FBXO44: variants seen among roughly 807,000 people sequenced by gnomAD.
FBXO44 encodes the protein F-box protein 44, also known as F-box only protein 44.
FBXO44 carries 25 observed loss-of-function variants against 33.5 expected under a neutral mutation model. That is an observed-to-expected ratio of 0.75 (90% CI 0.54 to 1.04). The LOEUF (loss-of-function observed/expected upper bound fraction) is 1.04, where lower values mean the gene tolerates loss of function less well. Among genes scored for constraint, FBXO44 ranks in the 50% least tolerant of loss-of-function variants. The pLI is 0.00. For missense variants in FBXO44, 311 were observed against 344.0 expected, an observed-to-expected ratio of 0.90 and a Z score of 0.76; for synonymous variants, 147 against 152.8, an observed-to-expected ratio of 0.96 and a Z score of 0.28.
In FBXO44 at chr1:11,661,046, G is replaced by A. The variant is rs2100657794; in HGVS notation, c.625-84G>A. 7.0e-7 allele frequency: 1 copy of A among 1,427,468 alleles called. No homozygotes were observed. Among genetic ancestry groups the A allele is most frequent in the South Asian group, 1.3e-5 (1 of 77,878 alleles). The allele number at this position is 1,427,468 out of a possible 1,614,324, so 88.4% of individuals were successfully genotyped here. A position where few individuals can be genotyped will look rare whatever the true frequency, so the allele number is the denominator to read the frequency against. On this transcript the variant is annotated intron_variant, in intron 5 of 5. Transcript: ENST00000251547. The surrounding 1 kb of genome is among the most constrained non-coding windows in gnomAD (Gnocchi z 4.4). ...AACCCTCCCACCTCAGCCTCCCAAA[G>A]TACTGGGATTCCCGGTGTGAGCCGC...
chr1:11,656,723 A>G (rs1202507440), intron 2 of FBXO44, among the ~76,000 whole-genome samples: 1 of 152,146 alleles, frequency 6.6e-6, no homozygotes, highest in Non-Finnish European at 1.5e-5. Context: ...TTGGCCTCCC[A>G]AAGTGCTGGG....
upstream of FBXO44, chr1:11,654,766 C>G (rs74054207): frequency 0.013 from 2,106 of 159,492 alleles, 54 homozygotes; most frequent in African/African-American, 0.047. Flanking sequence ...CCCCACCCCC[C>G]ACACCAGGTA....
At position 11,662,391 on chromosome 1, in the gene FBXO44, G is replaced by A. The variant is rs1410383143; in HGVS notation, c.*1118G>A. Reference sequence around the variant, plus strand: ...CATGGCTTCTGTCTAAGGTACAGAGGGGTTGGCATTTCAGGAACCAGGCCA... The same window carrying A: ...CATGGCTTCTGTCTAAGGTACAGAGAGGTTGGCATTTCAGGAACCAGGCCA... On this transcript the variant is annotated 3_prime_UTR_variant, in exon 6 of 6. Transcript: ENST00000251547. 1 of 152,236 alleles carries A rather than the reference G, an allele frequency of 6.6e-6. No homozygotes were observed. Among genetic ancestry groups the A allele is most frequent in the Non-Finnish European group, 1.5e-5 (1 of 68,066 alleles). 9.4% of individuals were successfully genotyped at this position (152,236 alleles called of 1,614,324 possible).
At position 11,655,787 on chromosome 1, in the gene FBXO44, C is replaced by T. The variant is rs1209090540; in HGVS notation, c.-30-19C>T. ...AATGGCAGAGCAGGGATGAGGCCTG[C>T]AGCATAGCTTTTCAACAGCTACAGG... On this transcript the variant is annotated intron_variant, in intron 1 of 5. Transcript: ENST00000251547. 1.2e-5 allele frequency: 20 copies of T among 1,601,848 alleles called. No homozygotes were observed. Among genetic ancestry groups the T allele is most frequent in the Non-Finnish European group, 1.7e-5 (20 of 1,171,840 alleles).
intron 1 of FBXO44, chr1:11,655,569 C>G (rs1639720003): frequency 1.9e-6 from 1 of 524,624 alleles, no homozygotes; most frequent in Admixed American, 3.2e-5. Context: ...CCCCCTCTGC[C>G]CTTATTTTTG....
rs1347113451 is a variant in FBXO44, at chr1:11,657,177, G to T, written c.265+1077G>T. 2.6e-5 allele frequency among the ~76,000 whole-genome samples: 4 copies of T among 152,278 alleles called. No individual in the cohort carries two copies. The Middle Eastern group carries it at 0.01, about 388-fold the overall frequency. ...GGCATTAATAATTGTTCTAATAATT[G>T]TTTTTACATTTTTAAAGTGTTATAA... On this transcript the variant is annotated intron_variant, in intron 2 of 5. Transcript: ENST00000251547.
At chr1:11,655,561 C>T (rs555755251) in intron 1 of FBXO44, 1 of 502,214 alleles carries the variant, frequency 2.0e-6, no homozygotes, top group South Asian at 2.8e-5. Context: ...GGCTTCTTCC[C>T]CCTCTGCCCT....
In FBXO44 at chr1:11,662,233, A is replaced by C. The variant is rs1640228991; in HGVS notation, c.*960A>C. 6.6e-6 allele frequency: 1 copy of C among 151,946 alleles called. No homozygotes were observed. Among genetic ancestry groups the C allele is most frequent in the Admixed American group, 6.6e-5 (1 of 15,234 alleles). 9.4% of individuals were successfully genotyped at this position (151,946 alleles called of 1,614,324 possible). On this transcript the variant is annotated 3_prime_UTR_variant, in exon 6 of 6. Coordinates refer to ENST00000251547, the MANE Select transcript of FBXO44 (RefSeq NM_033182.7). ...CCTCTTGTCCTGCTGGAAAGATAGC[A>C]GTGTTCTCCTGACTTCGCCCTACTG...
rs757856396 is a variant in FBXO44 at position 11,658,572 on chromosome 1, A to T, written c.432A>T (p.Glu144Asp). 12 of 1,613,098 alleles carry T rather than the reference A, an allele frequency of 7.4e-6. No individual in the cohort carries two copies. The highest frequency in any genetic ancestry group is 2.7e-5 in the African/African-American group (2 of 74,848). Reference protein sequence around the residue: ...LKSQVVDLKAEGYWEELMDTT... With the variant: ...LKSQVVDLKADGYWEELMDTT... ...CCCAGGTGGTGGACCTCAAGGCCGA[A>T]GGGTATTGGGAGGAGCTGATGGATA... The change falls in exon 4 of 6, where the codon GAA (glutamate) becomes GAT (aspartate). Residue 144 changes from glutamate to aspartate, a missense_variant. Transcript: ENST00000251547.
Position 11,661,773 on chromosome 1 carries a change from GCC to G in FBXO44, c.*503_*504del. The G allele has an allele frequency of 6.6e-6, 1 of 152,468 alleles. No individual in the cohort carries two copies. The highest frequency in any genetic ancestry group is 1.5e-5 in the Non-Finnish European group (1 of 68,926). The allele number at this position is 152,468 out of a possible 1,614,324, so 9.4% of individuals were successfully genotyped here. On this transcript the variant is annotated 3_prime_UTR_variant, in exon 6 of 6. Transcript: ENST00000251547. This position sits in a 1 kb window ranked among gnomAD's most constrained non-coding sequence, Gnocchi z 4.4. ...AGGGTGGGCTCATGGGCCGTGCTCT[GCC>G]CCTGTCTGCTGCTCCCAGTCTCTCG... is the stretch of plus-strand genomic sequence containing the variant.
chr1:11,656,756 C>T (rs1639838504), intron 2 of FBXO44, among the ~76,000 whole-genome samples: 1 of 152,244 alleles, frequency 6.6e-6, no homozygotes, highest in African/African-American at 2.4e-5. Context: ...AGCCACCGCG[C>T]CCGGCCTCTT....
chr1:11,654,700 C>A, upstream of FBXO44: 1 of 233,744 alleles, frequency 4.3e-6, no homozygotes, highest in Non-Finnish European at 8.2e-6. Flanking sequence ...CTGGGTCAGG[C>A]CGAGGGTGAG....
At position 11,658,606 on chromosome 1, in the gene FBXO44, CCGGA is replaced by C; in HGVS notation, c.468_471del (p.Asp157SerfsTer102). The C allele has an allele frequency of 6.2e-7, 1 of 1,613,600 alleles. No individual in the cohort carries two copies. Among genetic ancestry groups the C allele is most frequent in the Non-Finnish European group, 8.5e-7 (1 of 1,179,990 alleles). On this transcript the variant is annotated frameshift_variant, in exon 4 of 6. Transcript: ENST00000251547. LOFTEE classifies it high-confidence loss of function. ...GGAGGAGCTGATGGATACCACACGG[CCGGA>C]CATCGAGGTCAAGGACTGGTGAGTG... is the stretch of plus-strand genomic sequence containing the variant.
In FBXO44 at chr1:11,655,865, C is replaced by T. The variant is rs1205792369; in HGVS notation, c.30C>T (p.Pro10=). 9.9e-6 allele frequency: 16 copies of T among 1,613,758 alleles called. No individual in the cohort carries two copies. Among genetic ancestry groups the T allele is most frequent in the Admixed American group, 1.7e-5 (1 of 59,994 alleles). Residue 10 remains proline, a synonymous_variant, in exon 2 of 6, where the codon CCC becomes CCT. Transcript: ENST00000251547. ...CTGTGGGGAACATCAACGAGCTGCC[C>T]GAGAACATCCTGCTGGAGCTGTTCA... is the stretch of plus-strand genomic sequence containing the variant. The part of the protein sequence containing the change: MAVGNINEL[P]ENILLELFTH...
At chr1:11,656,241 C>T in intron 2 of FBXO44, 141 bp downstream of exon 2, 1 of 1,132,870 alleles carries the variant, frequency 8.8e-7, no homozygotes, top group Non-Finnish European at 1.2e-6. Context: ...GAGGTAGCTA[C>T]TGTTAGTGCA....
Position 11,658,378 on chromosome 1 carries a change from T to C in FBXO44, c.377T>C (p.Phe126Ser). ...CCCAATGACCAGGTCAAGAAATACT[T>C]CGTTACTTCATATTAGTAAGATCCG... ...EFPNDQVKKYFVTSYYTCLKS... is the reference protein window; with the variant it reads ...EFPNDQVKKYSVTSYYTCLKS... The change falls in exon 3 of 6, where the codon TTC (phenylalanine) becomes TCC (serine). Residue 126 changes from phenylalanine (F) to serine (S), a missense_variant. Phe to Ser is a radical substitution (Grantham distance 155, BLOSUM62 -2). Transcript: ENST00000251547. The C allele has an allele frequency of 6.2e-7, 1 of 1,613,744 alleles. No individual in the cohort carries two copies. Among genetic ancestry groups the C allele is most frequent in the Non-Finnish European group, 8.5e-7 (1 of 1,179,920 alleles).
chr1:11,658,619 T>G lies in FBXO44; in HGVS notation c.479T>G (p.Val160Gly). The change falls in exon 4 of 6, where the codon GTC becomes GGC. Residue 160 changes from valine (V) to glycine (G), a missense_variant. Coordinates refer to ENST00000251547, the MANE Select transcript of FBXO44 (RefSeq NM_033182.7). ...LMDTTRPDIE[V>G]KDWFAARPDC... ...GATACCACACGGCCGGACATCGAGG[T>G]CAAGGACTGGTGAGTGCCTGGGGCG... 6.2e-7 allele frequency: 1 copy of G among 1,613,020 alleles called. No homozygotes were observed. Among genetic ancestry groups the G allele is most frequent in the Non-Finnish European group, 8.5e-7 (1 of 1,179,842 alleles).
intron 5 of FBXO44, among the ~76,000 whole-genome samples, chr1:11,659,406 A>C (rs1640041531): frequency 6.6e-6 from 1 of 152,194 alleles, no homozygotes; most frequent in African/African-American, 2.4e-5. Flanking sequence ...AAAGAAAAAA[A>C]ATTCCAAAAG....
intron 5 of FBXO44, among the ~76,000 whole-genome samples, chr1:11,659,395 A>AAAAGG (rs1266533382): frequency 1.3e-5 from 2 of 152,202 alleles, no homozygotes; most frequent in East Asian, 3.8e-4. Context: ...AAAAGAAAAG[A>AAAAGG]AAAGAAAAAA....
Sources: gnomAD v4.1 joint callset for allele counts (sites outside exome capture counted in the v4.1 genomes callset) on GRCh38, gnomAD v4.1.1 for gene constraint, Gnocchi (gnomAD v3.1) non-coding constraint, MANE v1.5 for transcripts, NCBI Gene and HGNC (gene_info 2026-07-23, HGNC 2026-07-21) for gene names.